The following MNAT1 variants were observed in gnomAD, a reference collection of about 807,000 sequenced individuals.
MNAT1 encodes the protein CDK-activating kinase assembly factor MAT1.
Under a neutral mutation model 42.0 loss-of-function variants are expected in MNAT1, and 43 were observed. That is an observed-to-expected ratio of 1.02 (90% CI 0.80 to 1.32). The LOEUF (loss-of-function observed/expected upper bound fraction) is 1.32. Among genes scored for constraint, MNAT1 ranks in the 40% most tolerant of loss-of-function variants. MNAT1 has a pLI of 0.00. For missense variants in MNAT1, 306 were observed against 350.4 expected (o/e 0.87, Z 1.01); for synonymous variants, 118 against 120.0 (o/e 0.98, Z 0.11).
At chr14:60,895,861 T>A (rs994086457) in intron 7 of MNAT1, among the ~76,000 whole-genome samples, 2 of 152,202 alleles carry the variant, frequency 1.3e-5, no homozygotes, top group African/African-American at 4.8e-5. Context: ...TTAAGAGTAG[T>A]ACAGTTTTTT....
intron 7 of MNAT1, among the ~76,000 whole-genome samples, chr14:60,945,904 T>G (rs2036264151): frequency 6.6e-6 from 1 of 152,152 alleles, no homozygotes. Flanking sequence ...ACTCAGCAAC[T>G]AACTTTTCAA....
chr14:60,906,545 C>T (rs2035203624), intron 7 of MNAT1, among the ~76,000 whole-genome samples: 2 of 151,910 alleles, frequency 1.3e-5, no homozygotes, highest in African/African-American at 2.4e-5. Context: ...ATTTTGATAG[C>T]AGGGGCAAAA....
chr14:60,963,382 A>G (rs1401162167), intron 7 of MNAT1, among the ~76,000 whole-genome samples: 1 of 152,226 alleles, frequency 6.6e-6, no homozygotes, highest in Non-Finnish European at 1.5e-5. Context: ...TTACCACTCT[A>G]TAAACAGTTT....
At chr14:60,841,382 T>C (rs79336751) in intron 6 of MNAT1, among the ~76,000 whole-genome samples, 13 of 151,740 alleles carry the variant, frequency 8.6e-5, no homozygotes, top group Non-Finnish European at 1.6e-4. Flanking sequence ...CATTTTAAAA[T>C]TGTGTGTGTT....
intron 6 of MNAT1, among the ~76,000 whole-genome samples, chr14:60,858,653 A>G (rs2034021350): frequency 6.6e-6 from 1 of 152,144 alleles, no homozygotes; most frequent in African/African-American, 2.4e-5. Flanking sequence ...GAGTAAATCA[A>G]TGTGGCAGAC....
At chr14:60,856,477 A>G (rs1051906551) in intron 6 of MNAT1, among the ~76,000 whole-genome samples, 1 of 152,240 alleles carries the variant, frequency 6.6e-6, no homozygotes, top group African/African-American at 2.4e-5. Flanking sequence ...TGCCATTTCT[A>G]TAACATAAAA....
At chr14:60,776,458 C>T (rs929223831) in intron 1 of MNAT1, among the ~76,000 whole-genome samples, 1 of 152,026 alleles carries the variant, frequency 6.6e-6, no homozygotes, top group African/African-American at 2.4e-5. Flanking sequence ...AATTAAATGT[C>T]TAGGATAATG....
chr14:60,939,148 G>A (rs375871557), intron 7 of MNAT1, among the ~76,000 whole-genome samples: 70 of 151,956 alleles, frequency 4.6e-4, no homozygotes, highest in East Asian at 2.5e-3. Flanking sequence ...TCTTGCTAGC[G>A]GTCTATCAAT....
At chr14:60,812,332 T>C (rs1355214492) in intron 5 of MNAT1, among the ~76,000 whole-genome samples, 1 of 152,236 alleles carries the variant, frequency 6.6e-6, no homozygotes, top group Non-Finnish European at 1.5e-5. Context: ...TATGTTTTTA[T>C]GCTCACAATT....
At chr14:60,866,307 CTTTTTTT>C (rs58874872) in intron 6 of MNAT1, among the ~76,000 whole-genome samples, 1 of 94,410 alleles carries the variant, frequency 1.1e-5, no homozygotes, top group Non-Finnish European at 2.2e-5. Context: ...TTATTTTGAC[CTTTTTTT>C]TTTTTTTTTT....
At chr14:60,818,223 G>C (rs1045431922) in intron 5 of MNAT1, among the ~76,000 whole-genome samples, 1 of 151,946 alleles carries the variant, frequency 6.6e-6, no homozygotes, top group Admixed American at 6.6e-5. Flanking sequence ...AATTTTAAAA[G>C]TAAGTTAGTA....
At chr14:60,751,292 T>G (rs934206196) in intron 1 of MNAT1, among the ~76,000 whole-genome samples, 8 of 152,106 alleles carry the variant, frequency 5.3e-5, no homozygotes, top group African/African-American at 1.7e-4. Flanking sequence ...TGCAACTGGG[T>G]TGTAACTCAA....
At chr14:60,820,348 C>T (rs999850606) in intron 6 of MNAT1, among the ~76,000 whole-genome samples, 2 of 151,886 alleles carry the variant, frequency 1.3e-5, no homozygotes, top group South Asian at 2.1e-4. Flanking sequence ...GGCAAAGGAC[C>T]GTTTCTTTCC....
chr14:60,880,996 G>A (rs758024919), intron 7 of MNAT1, among the ~76,000 whole-genome samples: 1 of 152,122 alleles, frequency 6.6e-6, no homozygotes, highest in African/African-American at 2.4e-5. Context: ...CTTACAAAGA[G>A]CCAGAATCGT....
chr14:60,806,661 C>G (rs763569496), intron 3 of MNAT1, among the ~76,000 whole-genome samples: 1 of 152,198 alleles, frequency 6.6e-6, no homozygotes, highest in Non-Finnish European at 1.5e-5. Flanking sequence ...GAAGCCCTGT[C>G]TCTACTGAAA....
At chr14:60,870,790 G>T (rs1396861002) in intron 6 of MNAT1, among the ~76,000 whole-genome samples, 1 of 152,052 alleles carries the variant, frequency 6.6e-6, no homozygotes, top group Non-Finnish European at 1.5e-5. Flanking sequence ...AATATACAAT[G>T]TATTGATTGT....
rs140227288 is a variant in MNAT1, at chr14:60,800,791, G to A, written c.316+2631G>A. Among the ~76,000 whole-genome samples, 784 of 152,178 alleles carry A rather than the reference G, an allele frequency of 5.2e-3. 14 individuals are homozygous for A. Among genetic ancestry groups the A allele is most frequent in the African/African-American group, 0.018 (736 of 41,538 alleles). On this transcript the variant is annotated intron_variant, in intron 3 of 7. Transcript: ENST00000261245. The stretch of plus-strand genomic sequence containing the variant: ...TCCTCATTGTGTTTATTAAAGAGTG[G>A]TTCTACTCTATTTAAAGATATTGAT...
intron 7 of MNAT1, among the ~76,000 whole-genome samples, chr14:60,904,995 G>GTTTTTTT: frequency 3.1e-4 from 1 of 3,236 alleles, no homozygotes; most frequent in African/African-American, 5.3e-4. Flanking sequence ...TTTTTTTTTG[G>GTTTTTTT]ACGGAGTCTC....
intron 6 of MNAT1, among the ~76,000 whole-genome samples, chr14:60,853,751 A>G (rs2033886450): frequency 6.6e-6 from 1 of 152,194 alleles, no homozygotes; most frequent in Non-Finnish European, 1.5e-5. Context: ...AGTTTTTAGC[A>G]TGAAGGGGTA....
Sources: gnomAD v4.1 joint callset for allele counts (sites outside exome capture counted in the v4.1 genomes callset) on GRCh38, gnomAD v4.1.1 for gene constraint, MANE v1.5 for transcripts, NCBI Gene and HGNC (gene_info 2026-07-23, HGNC 2026-07-21) for gene names.